Variants in TREH observed in about 807,000 individuals in gnomAD.
TREH encodes trehalase.
In TREH, 69 loss-of-function variants were observed where a neutral mutation model predicts 80.5. The ratio of observed to expected loss-of-function variants is 0.86; its 90% CI spans 0.71 to 1.05. The LOEUF (loss-of-function observed/expected upper bound fraction) is 1.05, where lower values mean the gene tolerates loss of function less well. TREH is among the 50% of genes least tolerant of loss of function. The pLI, the probability that TREH is intolerant of heterozygous loss-of-function variation, is 0.00. For missense variants in TREH, 716 were observed against 718.8 expected (o/e 1.00, Z 0.04); for synonymous variants, 309 against 293.5 (o/e 1.05, Z -0.54).
At chr11:118,673,676 G>A (rs1949450548) in intron 1 of TREH, among the ~76,000 whole-genome samples, 1 of 152,164 alleles carries the variant, frequency 6.6e-6, no homozygotes, top group Admixed American at 6.5e-5. Context: ...CTGCTTTAAT[G>A]CACTCCTAAA....
intron 1 of TREH, among the ~76,000 whole-genome samples, chr11:118,672,268 C>T (rs534940467): frequency 2.0e-5 from 3 of 151,980 alleles, no homozygotes; most frequent in African/African-American, 4.8e-5. Flanking sequence ...TGTGGTGGCA[C>T]GCACTTGTAG....
At chr11:118,666,467 T>C (rs1366803019) in intron 1 of TREH, among the ~76,000 whole-genome samples, 2 of 152,240 alleles carry the variant, frequency 1.3e-5, no homozygotes, top group African/African-American at 4.8e-5. Flanking sequence ...CAAGGTCAAA[T>C]GGCAGCCTGC....
chr11:118,661,392 C>T lies in TREH; in HGVS notation c.734+1G>A. On this transcript the variant is annotated splice_donor_variant, in intron 7 of 14. Transcript: ENST00000264029. LOFTEE classifies it high-confidence loss of function. The surrounding 1 kb of genome is among the most constrained non-coding windows in gnomAD (Gnocchi z 4.2). ...AGCAGCACAGGGAGGGTGGTACCCACTGTAGAAAGGCGGTGTCATTGGTGT... is the reference window on the plus strand; with the variant it reads ...AGCAGCACAGGGAGGGTGGTACCCATTGTAGAAAGGCGGTGTCATTGGTGT... 6.2e-7 allele frequency: 1 copy of T among 1,613,978 alleles called. No individual in the cohort carries two copies. The highest frequency in any genetic ancestry group is 8.5e-7 in the Non-Finnish European group (1 of 1,179,854).
chr11:118,673,774 T>G (rs1445170118), intron 1 of TREH, among the ~76,000 whole-genome samples: 1 of 152,234 alleles, frequency 6.6e-6, no homozygotes, highest in Non-Finnish European at 1.5e-5. Context: ...GTCCAAGAGT[T>G]AGTAAAAACC....
chr11:118,663,331 T>C lies in TREH; in HGVS notation c.190+8A>G. The C allele has an allele frequency of 6.3e-7, 1 of 1,579,922 alleles. No homozygotes were observed. Among genetic ancestry groups the C allele is most frequent in the Non-Finnish European group, 8.6e-7 (1 of 1,162,472 alleles). On this transcript the variant is annotated splice_region_variant and intron_variant, in intron 2 of 14. Coordinates refer to ENST00000264029, the MANE Select transcript of TREH (RefSeq NM_007180.3). ...TCTGGAGAGGACGTTCAGCCCTAGG[T>C]GCTTCACCTGGAGCTATAGACAGTG...
rs781950417 is a variant in TREH, at chr11:118,658,718, C to T, written c.1561G>A (p.Gly521Ser). The T allele has an allele frequency of 6.2e-6, 10 of 1,604,982 alleles. No homozygotes were observed. The highest frequency in any genetic ancestry group is 5.1e-5 in the Admixed American group (3 of 58,356). Residue 521 changes from glycine (G) to serine (S), a missense_variant, in exon 14 of 15, where the codon GGT becomes AGT. Gly to Ser is a moderately conservative substitution (Grantham distance 56). Coordinates refer to ENST00000264029, the MANE Select transcript of TREH (RefSeq NM_007180.3). ...TCTCCTCCCCCACCGGGCTGTCCAC[C>T]GTTGCTGACGTCATACTGGGGACAA... The part of the protein sequence containing the change: ...AMYEKYDVSN[G>S]GQPGGGGEYE...
Position 118,659,771 on chromosome 11 carries a change from C to T in TREH, c.1296G>A (p.Ala432=), listed in dbSNP as rs530417786. 4.0e-5 allele frequency: 63 copies of T among 1,582,256 alleles called. No individual in the cohort carries two copies. The highest frequency in any genetic ancestry group is 3.3e-4 in the Middle Eastern group (2 of 6,030). Residue 432 remains alanine (A), a synonymous_variant, in exon 11 of 15, where the codon GCG becomes GCA. Transcript: ENST00000264029. ...CCTCCAGGTATTTCAGAGCCTTGTCCGCCACGCCAGGGTCAGAGAAACACC... is the reference window on the plus strand; with the variant it reads ...CCTCCAGGTATTTCAGAGCCTTGTCTGCCACGCCAGGGTCAGAGAAACACC... ...WAGCFSDPGV[A]DKALKYLEDN...
At chr11:118,675,647 C>G (rs1479699586) in intron 1 of TREH, among the ~76,000 whole-genome samples, 1 of 152,110 alleles carries the variant, frequency 6.6e-6, no homozygotes, top group Admixed American at 6.6e-5. Context: ...GGAACCAGGA[C>G]GTTTCCCCTC....
rs541953573 is a variant in TREH, at chr11:118,661,483, C to T, written c.644G>A (p.Arg215His). The part of the protein sequence containing the change: ...KTYGHVPNGG[R>H]VYYLQRSQPP... ...CTGGCTCCGCTGCAGGTAGTACACG[C>T]GCCCACCATTGGGGACATGCCCATA... Residue 215 changes from arginine to histidine, a missense_variant, in exon 7 of 15, where the codon CGC (arginine) becomes CAC (histidine). By Grantham distance (29) the Arg-to-His change is conservative. Coordinates refer to ENST00000264029, the MANE Select transcript of TREH (RefSeq NM_007180.3). This position sits in a 1 kb window ranked among gnomAD's most constrained non-coding sequence, Gnocchi z 4.2. 50 of 1,613,568 alleles carry T rather than the reference C, an allele frequency of 3.1e-5. No individual in the cohort carries two copies. The highest frequency in any genetic ancestry group is 1.3e-4 in the African/African-American group (10 of 74,904).
intron 1 of TREH, among the ~76,000 whole-genome samples, chr11:118,671,087 T>C (rs1030773283): frequency 2.6e-5 from 4 of 152,192 alleles, no homozygotes; most frequent in African/African-American, 9.7e-5. Flanking sequence ...CCCATTCATA[T>C]AGGGCAGGCT....
chr11:118,660,689 A>ACTCAGCCCCAGCCTTGAG lies in TREH; in HGVS notation c.934_951dup (p.Leu312_Glu317dup). 3 of 1,600,894 alleles carry ACTCAGCCCCAGCCTTGAG rather than the reference A, an allele frequency of 1.9e-6. No homozygotes were observed. The highest frequency in any genetic ancestry group is 1.7e-4 in the Middle Eastern group (1 of 6,046). On this transcript the variant is annotated inframe_insertion, in exon 10 of 15. Coordinates refer to ENST00000264029, the MANE Select transcript of TREH (RefSeq NM_007180.3). ...CAGCGTGAAGAGAAGTCCCAGCCAG[A>ACTCAGCCCCAGCCTTGAG]CTCAGCCCCAGCCTTGAGCTCAGCC...
intron 1 of TREH, among the ~76,000 whole-genome samples, chr11:118,664,514 G>A (rs114614686): frequency 4.9e-4 from 75 of 152,344 alleles, no homozygotes; most frequent in African/African-American, 1.5e-3. Flanking sequence ...CATTAAAGTA[G>A]CTTTGCATAT....
chr11:118,658,209 T>C lies in TREH; in HGVS notation c.*80A>G. 5.3e-6 allele frequency: 8 copies of C among 1,503,132 alleles called. No homozygotes were observed. Among genetic ancestry groups the C allele is most frequent in the Non-Finnish European group, 7.2e-6 (8 of 1,118,500 alleles). The allele number at this position is 1,503,132 out of a possible 1,614,324, so 93.1% of individuals were successfully genotyped here. ...GGACAGGCTGGGAGGTAGGAGGGCA[T>C]GAAGAGGCAGGGGAAGGCAGGAACT... On this transcript the variant is annotated 3_prime_UTR_variant, in exon 15 of 15. Transcript: ENST00000264029.
chr11:118,663,282 C>T (rs1949345662), intron 2 of TREH, 57 bp downstream of exon 2: 9 of 1,563,048 alleles, frequency 5.8e-6, no homozygotes, highest in South Asian at 4.7e-5. Flanking sequence ...GTCTTGCCCC[C>T]TGCCTTCTTT....
intron 1 of TREH, among the ~76,000 whole-genome samples, chr11:118,665,298 C>G (rs926803214): frequency 6.6e-6 from 1 of 152,060 alleles, no homozygotes; most frequent in Admixed American, 6.5e-5. Context: ...GGCCCCACGA[C>G]TAGGACTGCA....
intron 12 of TREH, 95 bp downstream of exon 12, chr11:118,659,275 C>T: frequency 9.3e-7 from 1 of 1,079,970 alleles, no homozygotes; most frequent in Non-Finnish European, 1.3e-6. Context: ...GATACGGGGC[C>T]TCTTGTGTCT....
chr11:118,676,845 T>C (rs1949485578), intron 1 of TREH, among the ~76,000 whole-genome samples: 1 of 22,028 alleles, frequency 4.5e-5, no homozygotes, highest in Admixed American at 6.7e-4. Context: ...GACATTCCTA[T>C]CACTTGGGAG....
intron 1 of TREH, among the ~76,000 whole-genome samples, chr11:118,664,258 G>A (rs561400246): frequency 1.0e-3 from 154 of 152,322 alleles, no homozygotes; most frequent in African/African-American, 3.6e-3. Context: ...ACCTTGTTTG[G>A]AAGGCCTTTG....
chr11:118,662,992 G>C, intron 3 of TREH, 24 bp from the exon 4 acceptor site: 1 of 1,610,536 alleles, frequency 6.2e-7, no homozygotes, highest in Non-Finnish European at 8.5e-7. Context: ...GGCCCCACAG[G>C]GTTCAAGGAG....
Sources: gnomAD v4.1 joint callset for allele counts (sites outside exome capture counted in the v4.1 genomes callset) on GRCh38, gnomAD v4.1.1 for gene constraint, Gnocchi (gnomAD v3.1) non-coding constraint, MANE v1.5 for transcripts, NCBI Gene and HGNC (gene_info 2026-07-23, HGNC 2026-07-21) for gene names.